Variants in TCF4 observed in about 807,000 individuals in gnomAD.
TCF4 encodes the protein transcription factor 4.
A neutral mutation model predicts 82.1 loss-of-function variants in TCF4; 3 were observed. The observed-to-expected ratio is 0.04, with a 90% CI of 0.02 to 0.09. The LOEUF is 0.09. TCF4 is among the 10% of genes least tolerant of loss of function. TCF4 has a pLI of 1.00. For synonymous variants in TCF4, 276 were observed against 309.6 expected, an observed-to-expected ratio of 0.89 and a Z score of 1.14; for missense variants, 518 against 852.7, an observed-to-expected ratio of 0.61 and a Z score of 4.89.
At chr18:55,619,899 T>C (rs2097715956) in intron 2 of TCF4, among the ~76,000 whole-genome samples, 1 of 152,156 alleles carries the variant, frequency 6.6e-6, no homozygotes, top group Admixed American at 6.5e-5. Flanking sequence ...GGAGGATTCA[T>C]ATGGTTAGGC....
At chr18:55,414,337 A>C (rs2094455158) in intron 5 of TCF4, among the ~76,000 whole-genome samples, 1 of 152,038 alleles carries the variant, frequency 6.6e-6, no homozygotes, top group Non-Finnish European at 1.5e-5. Flanking sequence ...GAAAAAAAAA[A>C]CGTAGATGAC....
intron 8 of TCF4, among the ~76,000 whole-genome samples, chr18:55,326,086 A>G (rs1424114658): frequency 6.6e-6 from 1 of 152,184 alleles, no homozygotes; most frequent in Non-Finnish European, 1.5e-5. Flanking sequence ...TCCTTAGATG[A>G]CATTTTATAG....
chr18:55,620,558 C>G (rs985229722), intron 2 of TCF4, among the ~76,000 whole-genome samples: 1 of 152,170 alleles, frequency 6.6e-6, no homozygotes, highest in Non-Finnish European at 1.5e-5. Context: ...GTCTGATTCT[C>G]TGTTCTACGA....
chr18:55,585,138 G>T, intron 3 of TCF4, 142 bp downstream of exon 3: 1 of 757,656 alleles, frequency 1.3e-6, no homozygotes, highest in Non-Finnish European at 2.4e-6. Context: ...TTATACCACT[G>T]ATGGGTAATG....
chr18:55,424,284 G>A (rs1243342521), intron 5 of TCF4, among the ~76,000 whole-genome samples: 4 of 152,126 alleles, frequency 2.6e-5, no homozygotes, highest in Non-Finnish European at 5.9e-5. Context: ...AAGCTTCCAA[G>A]GAATCAGCTC....
chr18:55,343,831 A>C (rs1400255752), intron 8 of TCF4, among the ~76,000 whole-genome samples: 3 of 152,172 alleles, frequency 2.0e-5, no homozygotes, highest in African/African-American at 7.2e-5. Flanking sequence ...CTTTAAAAGA[A>C]GCACACTCAT....
intron 3 of TCF4, among the ~76,000 whole-genome samples, chr18:55,511,968 C>G (rs897819254): frequency 6.6e-5 from 10 of 152,098 alleles, no homozygotes; most frequent in African/African-American, 2.2e-4. Context: ...CACTACAATT[C>G]CAGATAACAC....
intron 5 of TCF4, among the ~76,000 whole-genome samples, chr18:55,458,577 T>C (rs750278207): frequency 6.6e-6 from 1 of 152,212 alleles, no homozygotes; most frequent in Non-Finnish European, 1.5e-5. Flanking sequence ...AGCTGTAACA[T>C]AACACCAAAT....
rs943084887 is a variant in TCF4, at chr18:55,292,027, T to C, written c.550-12371A>G. Among the ~76,000 whole-genome samples, 3 of 152,184 alleles carry C rather than the reference T, an allele frequency of 2.0e-5. No individual in the cohort carries two copies. The South Asian group carries it at 6.2e-4, about 31-fold the overall frequency. ...AAAGATGAATTAAGAAGGGCAATAA[T>C]ATTCCTGAGATAGGACCAGAAGACT... On this transcript the variant is annotated intron_variant, in intron 8 of 19. Coordinates refer to ENST00000354452, the MANE Select transcript of TCF4 (RefSeq NM_001083962.2).
intron 3 of TCF4, among the ~76,000 whole-genome samples, chr18:55,558,158 G>T (rs774392412): frequency 3.3e-5 from 5 of 152,142 alleles, no homozygotes; most frequent in Non-Finnish European, 5.9e-5. Context: ...GCTGCAGTGA[G>T]CTAGGATCCT....
chr18:55,270,110 T>A (rs753453222), intron 10 of TCF4, 147 bp from the exon 11 acceptor site: 8 of 1,046,144 alleles, frequency 7.6e-6, no homozygotes, highest in East Asian at 5.1e-5. Context: ...CTTGTTTAGA[T>A]CTGACAGCTT....
intron 5 of TCF4, among the ~76,000 whole-genome samples, chr18:55,420,261 T>A (rs7236714): frequency 0.06 from 9,142 of 152,170 alleles, 930 homozygotes; most frequent in African/African-American, 0.21. Context: ...GTCATCTTTA[T>A]CATCAGCTCA....
intron 2 of TCF4, among the ~76,000 whole-genome samples, chr18:55,627,256 A>G (rs528765284): frequency 5.3e-5 from 8 of 152,346 alleles, no homozygotes; most frequent in Non-Finnish European, 1.0e-4. Flanking sequence ...GTCAACAAAC[A>G]TATTGAGCAT....
At chr18:55,454,383 T>C (rs2095691273) in intron 5 of TCF4, among the ~76,000 whole-genome samples, 1 of 152,128 alleles carries the variant, frequency 6.6e-6, no homozygotes, top group African/African-American at 2.4e-5. Flanking sequence ...GGCCTAACTT[T>C]AATGTATGGG....
At chr18:55,266,067 G>A (rs1296544635) in intron 11 of TCF4, 2 of 152,124 alleles carry the variant, frequency 1.3e-5, no homozygotes, top group African/African-American at 4.8e-5. Context: ...AATGTATACA[G>A]ATGGTATGTC....
intron 2 of TCF4, among the ~76,000 whole-genome samples, chr18:55,599,793 T>G (rs2097694894): frequency 6.6e-6 from 1 of 152,224 alleles, no homozygotes; most frequent in Admixed American, 6.5e-5. Flanking sequence ...AAATTTTTAC[T>G]TATATATACA....
At chr18:55,431,348 C>T (rs1569466510) in intron 5 of TCF4, among the ~76,000 whole-genome samples, 1 of 152,108 alleles carries the variant, frequency 6.6e-6, no homozygotes, top group African/African-American at 2.4e-5. Context: ...GGGGCGATCT[C>T]GGCTCACTGC....
At chr18:55,596,153 C>T (rs1378486258) in intron 2 of TCF4, 2 of 433,810 alleles carry the variant, frequency 4.6e-6, no homozygotes, top group Admixed American at 2.5e-5. Flanking sequence ...TAGCTTGAAC[C>T]TGGGAGGTGG....
At chr18:55,386,849 T>C (rs1215629893) in intron 6 of TCF4, among the ~76,000 whole-genome samples, 3 of 152,150 alleles carry the variant, frequency 2.0e-5, no homozygotes, top group Non-Finnish European at 4.4e-5. Flanking sequence ...TTCCTGAGCA[T>C]TTCTGGGGAG....
Sources: gnomAD v4.1 joint callset for allele counts (sites outside exome capture counted in the v4.1 genomes callset) on GRCh38, gnomAD v4.1.1 for gene constraint, MANE v1.5 for transcripts, NCBI Gene and HGNC (gene_info 2026-07-23, HGNC 2026-07-21) for gene names.